UNK: variants seen among roughly 807,000 people sequenced by gnomAD.
The protein encoded by UNK is RING finger protein unkempt homolog.
A neutral mutation model predicts 97.6 loss-of-function variants in UNK; 32 were observed. The observed-to-expected ratio is 0.33, with a 90% CI of 0.25 to 0.44. The LOEUF is 0.44. Among genes scored for constraint, UNK ranks in the 20% least tolerant of loss-of-function variants. The pLI, the probability that UNK is intolerant of heterozygous loss-of-function variation, is 1.00. For missense variants in UNK, 771 were observed against 1,098.4 expected (o/e 0.70, Z 4.21); for synonymous variants, 441 against 461.2 (o/e 0.96, Z 0.56).
At chr17:75,790,386 G>A (rs929638066) in intron 1 of UNK, among the ~76,000 whole-genome samples, 4 of 151,958 alleles carry the variant, frequency 2.6e-5, no homozygotes, top group East Asian at 1.9e-4. Context: ...GTCCCAACTC[G>A]TTGGGAAGCT....
chr17:75,792,605 A>G (rs2061771824), intron 1 of UNK: 6 of 500,030 alleles, frequency 1.2e-5, no homozygotes, highest in Non-Finnish European at 1.6e-5. Flanking sequence ...CCATATAGAT[A>G]ACTCTATAGA....
chr17:75,821,803 A>C, intron 13 of UNK: 1 of 445,674 alleles, frequency 2.2e-6, no homozygotes, highest in South Asian at 1.6e-5. Flanking sequence ...CTGTTGAGCG[A>C]GTGAGCAGAG....
At chr17:75,789,826 G>C (rs532742668) in intron 1 of UNK, among the ~76,000 whole-genome samples, 2 of 152,138 alleles carry the variant, frequency 1.3e-5, no homozygotes, top group African/African-American at 4.8e-5. Context: ...GCTTTTTGCT[G>C]TATTAACAGT....
In UNK at chr17:75,817,452, A is replaced by G; in HGVS notation, c.1231A>G (p.Ser411Gly). 6.2e-7 allele frequency: 1 copy of G among 1,613,286 alleles called. No individual in the cohort carries two copies. Among genetic ancestry groups the G allele is most frequent in the African/African-American group, 1.3e-5 (1 of 75,056 alleles). The part of the protein sequence containing the change: ...FPGESGLAPG[S>G]YKKAPGFERE... Reference sequence around the variant, plus strand: ...TGGGGAGTCTGGCCTGGCCCCTGGCAGCTATAAGAAGGCTCCCGGCTTCGA... The same window carrying G: ...TGGGGAGTCTGGCCTGGCCCCTGGCGGCTATAAGAAGGCTCCCGGCTTCGA... The change falls in exon 9 of 16, where the codon AGC becomes GGC. Residue 411 changes from serine to glycine, a missense_variant. Around this residue, in one of 5 missense-constraint regions of UNK, gnomAD observed 192 missense variants for 202.4 expected, o/e 0.95. Transcript: ENST00000589666. The surrounding 1 kb of genome is among the most constrained non-coding windows in gnomAD (Gnocchi z 5.8).
chr17:75,804,984 G>C (rs2061897691), intron 1 of UNK, among the ~76,000 whole-genome samples: 1 of 151,572 alleles, frequency 6.6e-6, no homozygotes, highest in African/African-American at 2.4e-5. Flanking sequence ...ACGAGGTCAG[G>C]AGATCGAGAC....
At chr17:75,802,407 G>A (rs998722223) in intron 1 of UNK, among the ~76,000 whole-genome samples, 2 of 151,774 alleles carry the variant, frequency 1.3e-5, no homozygotes, top group Admixed American at 6.6e-5. Context: ...ACAGGTGCAT[G>A]CCTGGCTTAG....
Position 75,819,846 on chromosome 17 carries a change from G to T in UNK, c.1648+61G>T. ...CTCCTCGGGTTCCTGCCTGGCTCAG[G>T]CCCCTTGCTCTGTGTGGCCCGCCTG... On this transcript the variant is annotated intron_variant, in intron 12 of 15. Transcript: ENST00000589666. The surrounding 1 kb of genome is among the most constrained non-coding windows in gnomAD (Gnocchi z 5.4). 1 of 1,609,454 alleles carries T rather than the reference G, an allele frequency of 6.2e-7. No individual in the cohort carries two copies. The highest frequency in any genetic ancestry group is 8.5e-7 in the Non-Finnish European group (1 of 1,177,766).
rs1567804956 is a variant in UNK at position 75,813,069 on chromosome 17, C to T, written c.623-9C>T. On this transcript the variant is annotated splice_polypyrimidine_tract_variant and intron_variant, in intron 4 of 15. Coordinates refer to ENST00000589666, the MANE Select transcript of UNK (RefSeq NM_001080419.3). ...TCACCTGACCCCTGCCCTCTGGCCC[C>T]CTGTGCAGAGACTGCTTATGTGCTG... is the stretch of plus-strand genomic sequence containing the variant. 9.5e-6 allele frequency: 15 copies of T among 1,583,424 alleles called. No homozygotes were observed. In the South Asian group the frequency reaches 1.5e-4, roughly 16 times the overall value.
At position 75,819,873 on chromosome 17, in the gene UNK, C is replaced by T; in HGVS notation, c.1649-47C>T. ...CCCTTGCTCTGTGTGGCCCGCCTGG[C>T]TTCCGCTGCCCTCACCCAGCCCGTC... On this transcript the variant is annotated intron_variant, in intron 12 of 15. Transcript: ENST00000589666. This position sits in a 1 kb window ranked among gnomAD's most constrained non-coding sequence, Gnocchi z 5.4. 6.2e-7 allele frequency: 1 copy of T among 1,602,234 alleles called. No individual in the cohort carries two copies. Among genetic ancestry groups the T allele is most frequent in the South Asian group, 1.1e-5 (1 of 90,102 alleles).
intron 1 of UNK, among the ~76,000 whole-genome samples, chr17:75,802,501 C>T (rs922765079): frequency 6.6e-6 from 1 of 151,928 alleles, no homozygotes; most frequent in Non-Finnish European, 1.5e-5. Context: ...GGTGATCCTC[C>T]CACCTCCGCC....
chr17:75,816,696 GA>G lies in UNK; in HGVS notation c.962-72del, dbSNP rs1345131939. 2.7e-6 allele frequency: 4 copies of G among 1,506,382 alleles called. No individual in the cohort carries two copies. The African/African-American group carries it at 5.5e-5, about 21-fold the overall frequency. The allele number at this position is 1,506,382 out of a possible 1,614,324, so 93.3% of individuals were successfully genotyped here. A position where few individuals can be genotyped will look rare whatever the true frequency, so the allele number is the denominator to read the frequency against. ...GCAGGGGGATTTGTGGTCTCCTTTG[GA>G]AGGGACCCAGGAGCATTTTTGGAGG... On this transcript the variant is annotated intron_variant, in intron 7 of 15. Coordinates refer to ENST00000589666, the MANE Select transcript of UNK (RefSeq NM_001080419.3). This position sits in a 1 kb window ranked among gnomAD's most constrained non-coding sequence, Gnocchi z 4.0.
Position 75,817,537 on chromosome 17 carries a change from AG to A in UNK, c.1305+14del. The A allele has an allele frequency of 6.3e-7, 1 of 1,597,386 alleles. No homozygotes were observed. The highest frequency in any genetic ancestry group is 1.1e-5 in the South Asian group (1 of 89,576). On this transcript the variant is annotated intron_variant, in intron 9 of 15. Transcript: ENST00000589666. The surrounding 1 kb of genome is among the most constrained non-coding windows in gnomAD (Gnocchi z 5.8). The stretch of plus-strand genomic sequence containing the variant: ...AATTTCAAATGCCAGGTAAGGGATG[AG>A]GGAGGCAGCAGTGAGGTTAGCCTTC...
At chr17:75,814,173 C>A (rs1441938305) in intron 6 of UNK, among the ~76,000 whole-genome samples, 1 of 152,086 alleles carries the variant, frequency 6.6e-6, no homozygotes, top group Non-Finnish European at 1.5e-5. Flanking sequence ...GGGCTTTCCA[C>A]CACTCATGGT....
chr17:75,798,170 A>G (rs2061824043), intron 1 of UNK, among the ~76,000 whole-genome samples: 1 of 151,518 alleles, frequency 6.6e-6, no homozygotes, highest in South Asian at 2.1e-4. Context: ...TCCCGGGTTC[A>G]AGCGATTCTC....
At chr17:75,809,291 G>A (rs535827488) in intron 1 of UNK, among the ~76,000 whole-genome samples, 12 of 152,334 alleles carry the variant, frequency 7.9e-5, no homozygotes, top group Admixed American at 5.9e-4. Flanking sequence ...GTGCTTATCT[G>A]TAGATTTCTC....
chr17:75,802,232 G>A (rs2061866752), intron 1 of UNK, among the ~76,000 whole-genome samples: 1 of 109,024 alleles, frequency 9.2e-6, no homozygotes, highest in Non-Finnish European at 1.8e-5. Context: ...GATTTTTTCA[G>A]CACAGATGTC....
chr17:75,806,026 C>G (rs180732267), intron 1 of UNK, among the ~76,000 whole-genome samples: 32 of 151,560 alleles, frequency 2.1e-4, no homozygotes, highest in Non-Finnish European at 3.8e-4. Flanking sequence ...GCGCTTGAAC[C>G]CCAGGGGCAG....
At chr17:75,789,878 C>T (rs1382495444) in intron 1 of UNK, among the ~76,000 whole-genome samples, 2 of 152,072 alleles carry the variant, frequency 1.3e-5, no homozygotes, top group African/African-American at 4.8e-5. Context: ...CGTAGTAGCT[C>T]ACATCTGTAA....
At position 75,817,057 on chromosome 17, in the gene UNK, C is replaced by G; in HGVS notation, c.1104+145C>G. 7.4e-7 allele frequency: 1 copy of G among 1,351,520 alleles called. No homozygotes were observed. Among genetic ancestry groups the G allele is most frequent in the Non-Finnish European group, 9.8e-7 (1 of 1,018,376 alleles). 83.7% of individuals were successfully genotyped at this position (1,351,520 alleles called of 1,614,324 possible). On this transcript the variant is annotated intron_variant, in intron 8 of 15. Coordinates refer to ENST00000589666, the MANE Select transcript of UNK (RefSeq NM_001080419.3). This position sits in a 1 kb window ranked among gnomAD's most constrained non-coding sequence, Gnocchi z 5.8. ...GATCTGTCTTTTCCATCTCAGCATT[C>G]TTCGTCAAAAGTCCAGGCCCGGGGG...
Sources: allele counts gnomAD v4.1 joint callset (sites outside exome capture counted in the v4.1 genomes callset), GRCh38; gene constraint gnomAD v4.1.1; regional missense constraint gnomAD v4.1.1; non-coding constraint Gnocchi (gnomAD v3.1); transcripts MANE v1.5; gene names NCBI Gene and HGNC (gene_info 2026-07-23, HGNC 2026-07-21).